The following PCDHA7 variants were observed in gnomAD, a reference collection of about 807,000 sequenced individuals.
PCDHA7 encodes the protein protocadherin alpha 7.
Under a neutral mutation model 57.2 loss-of-function variants are expected in PCDHA7, and 37 were observed. The observed-to-expected ratio is 0.65, with a 90% confidence interval of 0.50 to 0.85. The LOEUF (loss-of-function observed/expected upper bound fraction) is 0.85, where lower values mean the gene tolerates loss of function less well. PCDHA7 is among the 40% of genes least tolerant of loss of function. The pLI is 0.00. For synonymous variants in PCDHA7, 553 were observed against 558.8 expected (o/e 0.99, Z 0.15); for missense variants, 1,188 against 1,241.8 (o/e 0.96, Z 0.65).
At chr5:140,882,072 T>C in intron 1 of PCDHA7, 2 of 861,580 alleles carry the variant, frequency 2.3e-6, no homozygotes, top group South Asian at 1.9e-5. Context: ...TTCATGCGCA[T>C]GGTGTCGCTC....
chr5:140,879,787 T>C (rs1409881516), intron 1 of PCDHA7, among the ~76,000 whole-genome samples: 2 of 152,204 alleles, frequency 1.3e-5, no homozygotes. Flanking sequence ...AATCTGGTTT[T>C]TGTTTCTTCC....
In PCDHA7 at chr5:140,856,147, A is replaced by C. The variant is rs142037616; in HGVS notation, c.2355+19409A>C. Reference sequence around the variant, plus strand: ...TGGGGAGCGGCCAGCTCCACTACTCAGTCTACGAGGAGGCCAGACACGGCA... The same window carrying C: ...TGGGGAGCGGCCAGCTCCACTACTCCGTCTACGAGGAGGCCAGACACGGCA... On this transcript the variant is annotated intron_variant, in intron 1 of 3. Coordinates refer to ENST00000525929, the MANE Select transcript of PCDHA7 (RefSeq NM_018910.3). 34 of 1,598,116 alleles carry C rather than the reference A, an allele frequency of 2.1e-5. 2 individuals are homozygous for C. Among genetic ancestry groups the C allele is most frequent in the Middle Eastern group, 1.7e-4 (1 of 6,012 alleles).
chr5:140,993,087 G>T (rs1476981409), intron 3 of PCDHA7, among the ~76,000 whole-genome samples: 2 of 152,188 alleles, frequency 1.3e-5, no homozygotes, highest in African/African-American at 4.8e-5. Flanking sequence ...AATCAGCAGG[G>T]CTATGTTTAT....
chr5:140,924,921 T>A (rs1167960449), intron 1 of PCDHA7, among the ~76,000 whole-genome samples: 5 of 126,218 alleles, frequency 4.0e-5, no homozygotes, highest in African/African-American at 1.5e-4. Context: ...TAAAATAAAA[T>A]AAAATAAAAT....
chr5:140,878,420 A>G (rs2057587520), intron 1 of PCDHA7, among the ~76,000 whole-genome samples: 1 of 152,236 alleles, frequency 6.6e-6, no homozygotes, highest in African/African-American at 2.4e-5. Flanking sequence ...TATTTCAAGT[A>G]GGAATAGATA....
chr5:140,845,092 C>G (rs145327720), intron 1 of PCDHA7, among the ~76,000 whole-genome samples: 1 of 149,560 alleles, frequency 6.7e-6, no homozygotes, highest in South Asian at 2.1e-4. Flanking sequence ...GTTTATTTTA[C>G]AGTTCTCTTA....
At chr5:140,936,163 G>A (rs2090818025) in intron 1 of PCDHA7, among the ~76,000 whole-genome samples, 1 of 152,090 alleles carries the variant, frequency 6.6e-6, no homozygotes, top group African/African-American at 2.4e-5. Flanking sequence ...AAAGTGCTGG[G>A]ATTAGAGGCC....
chr5:140,856,308 C>G, intron 1 of PCDHA7: 1 of 1,598,620 alleles, frequency 6.3e-7, no homozygotes, highest in Non-Finnish European at 8.6e-7. Context: ...TTTGTGAATT[C>G]TCGGATTGAC....
rs141682483 is a variant in PCDHA7, at chr5:140,834,489, C to T, written c.106C>T (p.Pro36Ser). The T allele has an allele frequency of 2.5e-6, 4 of 1,614,000 alleles. No homozygotes were observed. The highest frequency in any genetic ancestry group is 1.7e-5 in the Admixed American group (1 of 59,994). Residue 36 changes from proline (P) to serine (S), a missense_variant, in exon 1 of 4, where the codon CCC (proline) becomes TCC (serine). This residue lies in a region of PCDHA7 where 194 missense variants were observed against 185.8 expected (regional missense o/e 1.04). Coordinates refer to ENST00000525929, the MANE Select transcript of PCDHA7 (RefSeq NM_018910.3). ...AGRGQLHYSV[P>S]EEAKHGNFVG... ...GAGAGGCCAGCTCCACTACTCGGTC[C>T]CCGAGGAGGCTAAACATGGCAACTT...
At position 140,834,959 on chromosome 5, in the gene PCDHA7, T is replaced by C. The variant is rs2150229473; in HGVS notation, c.576T>C (p.Leu192=). 1 of 1,526,094 alleles carries C rather than the reference T, an allele frequency of 6.6e-7. No homozygotes were observed. Among genetic ancestry groups the C allele is most frequent in the South Asian group, 1.2e-5 (1 of 85,122 alleles). 94.5% of individuals were successfully genotyped at this position (1,526,094 alleles called of 1,614,324 possible). A position where few individuals can be genotyped will look rare whatever the true frequency, so the allele number is the denominator to read the frequency against. Reference sequence around the variant, plus strand: ...CCAGCAACCAGCAGGTAAAACCTCTTGGACTTGTATTACGGAAACTTTTAG... The same window carrying C: ...CCAGCAACCAGCAGGTAAAACCTCTCGGACTTGTATTACGGAAACTTTTAG... ...VPTSNQQVKP[L]GLVLRKLLDR... Residue 192 remains leucine, a synonymous_variant, in exon 1 of 4, where the codon CTT becomes CTC. Transcript: ENST00000525929.
chr5:140,948,525 A>G (rs187765359), intron 1 of PCDHA7, among the ~76,000 whole-genome samples: 2 of 151,708 alleles, frequency 1.3e-5, no homozygotes, highest in Admixed American at 1.3e-4. Flanking sequence ...AACACTATTT[A>G]TATTTTATTT....
chr5:140,886,698 C>T (rs578140955), intron 1 of PCDHA7, among the ~76,000 whole-genome samples: 5 of 151,938 alleles, frequency 3.3e-5, no homozygotes, highest in East Asian at 2.0e-4. Flanking sequence ...TGGTGGCACG[C>T]GCCTGTAATC....
Position 140,858,384 on chromosome 5 carries a change from T to C in PCDHA7, c.2355+21646T>C, listed in dbSNP as rs782413045. 1.8e-5 allele frequency: 29 copies of C among 1,582,610 alleles called. 1 individual carries two copies. The East Asian group carries it at 3.6e-4, about 20-fold the overall frequency. ...AGCCCCAGCCTTCCACCATGCCCAA[T>C]GGTAGATGTGGACGGGGAAGATCAG... On this transcript the variant is annotated intron_variant, in intron 1 of 3. Coordinates refer to ENST00000525929, the MANE Select transcript of PCDHA7 (RefSeq NM_018910.3).
intron 3 of PCDHA7, among the ~76,000 whole-genome samples, chr5:141,001,290 G>A (rs2098005878): frequency 6.6e-6 from 1 of 152,100 alleles, no homozygotes; most frequent in Non-Finnish European, 1.5e-5. Flanking sequence ...GATGAAAACT[G>A]AGGCCCAGAG....
intron 1 of PCDHA7, among the ~76,000 whole-genome samples, chr5:140,961,366 C>T (rs1384222732): frequency 6.6e-6 from 1 of 152,144 alleles, no homozygotes; most frequent in Non-Finnish European, 1.5e-5. Context: ...CATTAGAATT[C>T]TCCTTCTAGT....
intron 1 of PCDHA7, chr5:140,876,602 G>A (rs572945874): frequency 6.2e-7 from 1 of 1,614,180 alleles, no homozygotes; most frequent in Non-Finnish European, 8.5e-7. Flanking sequence ...GTGTCGGATC[G>A]TGACTCTGGA....
At chr5:140,919,658 T>G (rs1271844986) in intron 1 of PCDHA7, among the ~76,000 whole-genome samples, 1 of 152,230 alleles carries the variant, frequency 6.6e-6, no homozygotes, top group South Asian at 2.1e-4. Context: ...GTTTACCATA[T>G]ATATTTTAGC....
chr5:140,834,759 A>T lies in PCDHA7; in HGVS notation c.376A>T (p.Ile126Phe). Residue 126 changes from isoleucine to phenylalanine, a missense_variant, in exon 1 of 4, where the codon ATT becomes TTT. Ile to Phe is a conservative substitution (Grantham distance 21). Around this residue, in one of 3 missense-constraint regions of PCDHA7, gnomAD observed 194 missense variants for 185.8 expected, o/e 1.04. Coordinates refer to ENST00000525929, the MANE Select transcript of PCDHA7 (RefSeq NM_018910.3). ...CCATGTGGACGTGGAGGTGAAGGACATTAACGACAACCCTCCGGTGTTCCC... is the reference window on the plus strand; with the variant it reads ...CCATGTGGACGTGGAGGTGAAGGACTTTAACGACAACCCTCCGGTGTTCCC... ...VFHVDVEVKD[I>F]NDNPPVFPAT... 1 of 1,614,152 alleles carries T rather than the reference A, an allele frequency of 6.2e-7. No individual in the cohort carries two copies. Among genetic ancestry groups the T allele is most frequent in the Non-Finnish European group, 8.5e-7 (1 of 1,180,030 alleles).
At chr5:140,949,167 T>C (rs2094348737) in intron 1 of PCDHA7, among the ~76,000 whole-genome samples, 1 of 151,798 alleles carries the variant, frequency 6.6e-6, no homozygotes, top group Admixed American at 6.6e-5. Flanking sequence ...AATTCTCTTT[T>C]GGTCAGAGAA....
Sources: allele counts gnomAD v4.1 joint callset (sites outside exome capture counted in the v4.1 genomes callset), GRCh38; gene constraint gnomAD v4.1.1; regional missense constraint gnomAD v4.1.1; transcripts MANE v1.5; gene names NCBI Gene and HGNC (gene_info 2026-07-23, HGNC 2026-07-21).